The following NCBP2L variants were observed in gnomAD, a reference collection of about 807,000 sequenced individuals.
NCBP2L encodes the protein nuclear cap-binding protein subunit 2-like.
For missense variants in NCBP2L, 95 were observed against 53.1 expected, an observed-to-expected ratio of 1.79 and a Z score of -2.45; for synonymous variants, 39 against 19.2, an observed-to-expected ratio of 2.04 and a Z score of -2.70.
chrX:107,786,114 T>C (rs1930391596), intron 1 of NCBP2L, among the ~76,000 whole-genome samples: 1 of 111,378 alleles, frequency 9.0e-6, no homozygotes, highest in Admixed American at 9.6e-5. Flanking sequence ...TTTCCACTCC[T>C]TGTAGCATTG....
At chrX:107,784,364 G>T (rs1037403879) in intron 1 of NCBP2L, among the ~76,000 whole-genome samples, 7 of 110,754 alleles carry the variant, frequency 6.3e-5, no homozygotes, top group African/African-American at 2.3e-4. Flanking sequence ...TTATTTTTAG[G>T]TTTGGCTGGA....
At chrX:107,778,348 C>T (rs1459025733) in intron 1 of NCBP2L, among the ~76,000 whole-genome samples, 2 of 112,127 alleles carry the variant, frequency 1.8e-5, no homozygotes, top group African/African-American at 3.2e-5. Context: ...ATTCTGTCCC[C>T]TTGACATTTC....
intron 1 of NCBP2L, 74 bp from the exon 2 acceptor site, chrX:107,794,075 T>C (rs1263044017): frequency 2.4e-6 from 1 of 418,748 alleles, no homozygotes; most frequent in Non-Finnish European, 4.2e-6. Flanking sequence ...TGAACACAAA[T>C]ATGTTAAATA....
intron 1 of NCBP2L, among the ~76,000 whole-genome samples, chrX:107,779,910 A>T (rs948101391): frequency 2.8e-5 from 3 of 107,637 alleles, no homozygotes; most frequent in Middle Eastern, 9.7e-3. Flanking sequence ...CGCCCGGCTA[A>T]TTTTTTTGTA....
chrX:107,782,436 C>G (rs1930336789), intron 1 of NCBP2L, among the ~76,000 whole-genome samples: 1 of 84,786 alleles, frequency 1.2e-5, no homozygotes, highest in Non-Finnish European at 2.2e-5. Context: ...ATATCCATCT[C>G]TTCACATAGT....
intron 1 of NCBP2L, among the ~76,000 whole-genome samples, chrX:107,784,708 C>T (rs911820332): frequency 1.9e-5 from 2 of 106,319 alleles, no homozygotes; most frequent in African/African-American, 6.9e-5. Flanking sequence ...CGGTGGCTCA[C>T]GCCTGTAATT....
intron 1 of NCBP2L, among the ~76,000 whole-genome samples, chrX:107,779,869 G>A (rs1274837617): frequency 7.6e-5 from 8 of 104,770 alleles, no homozygotes; most frequent in African/African-American, 2.5e-4. Context: ...TCAGCCTCCC[G>A]AGTAGCTGGG....
chrX:107,780,323 G>A (rs1930249034), intron 1 of NCBP2L, among the ~76,000 whole-genome samples: 1 of 111,444 alleles, frequency 9.0e-6, no homozygotes, highest in African/African-American at 3.3e-5. Context: ...TCCAGCCTGG[G>A]AGAAGAGTTC....
chrX:107,779,673 C>T (rs1428667660), intron 1 of NCBP2L, among the ~76,000 whole-genome samples: 1 of 110,768 alleles, frequency 9.0e-6, no homozygotes, highest in African/African-American at 3.3e-5. Flanking sequence ...GGTGATCCAC[C>T]CGCTTCGGCC....
At chrX:107,794,077 T>C in intron 1 of NCBP2L, 72 bp from the exon 2 acceptor site, 2 of 422,232 alleles carry the variant, frequency 4.7e-6, no homozygotes, top group Non-Finnish European at 8.3e-6. Flanking sequence ...AACACAAATA[T>C]GTTAAATATT....
In NCBP2L at chrX:107,783,358, CTTT is replaced by C. The variant is rs769083822; in HGVS notation, c.-73+5519_-73+5521del. 3.6e-3 allele frequency among the ~76,000 whole-genome samples: 223 copies of C among 61,958 alleles called. 1 individual carries two copies. The highest frequency in any genetic ancestry group is 0.018 in the African/African-American group (213 of 11,924). 53.8% of individuals were successfully genotyped at this position (61,958 alleles called of 115,157 possible). ...ATTAGCCTGGCATGGTGGCACTTGC[CTTT>C]TTTTTTTTTTTTTTTTTTATTTTTT... is the stretch of plus-strand genomic sequence containing the variant. On this transcript the variant is annotated intron_variant, in intron 1 of 1. Transcript: ENST00000509000.
chrX:107,787,425 C>T (rs1214992190), intron 1 of NCBP2L, among the ~76,000 whole-genome samples: 2 of 111,663 alleles, frequency 1.8e-5, no homozygotes, highest in African/African-American at 6.5e-5. Context: ...TTAAGGGGTT[C>T]GAGTGCAGTT....
intron 1 of NCBP2L, among the ~76,000 whole-genome samples, chrX:107,786,499 G>GTA (rs1461585425): frequency 1.8e-5 from 2 of 111,264 alleles, no homozygotes; most frequent in Admixed American, 9.6e-5. Flanking sequence ...ACTGGATGAG[G>GTA]TACACAGGGC....
rs746075993 is a variant in NCBP2L at position 107,794,593 on chromosome X, C to G, written c.373C>G (p.Arg125Gly). Residue 125 changes from arginine to glycine, a missense_variant, in exon 2 of 2, where the codon CGC (arginine) becomes GGC (glycine). By Grantham distance (125) the Arg-to-Gly change is moderately radical. Transcript: ENST00000509000. Reference sequence around the variant, plus strand: ...TTTTAGAGAGGGTCAACAGTATGGTCGCGGTAAATCTGGGGGTCAGGTAAG... The same window carrying G: ...TTTTAGAGAGGGTCAACAGTATGGTGGCGGTAAATCTGGGGGTCAGGTAAG... The part of the protein sequence containing the change: ...VGFREGQQYG[R>G]GKSGGQVRDE... 1 of 569,198 alleles carries G rather than the reference C, an allele frequency of 1.8e-6. No homozygotes were observed. The highest frequency in any genetic ancestry group is 3.2e-6 in the Non-Finnish European group (1 of 309,284). The allele number at this position is 569,198 out of a possible 1,213,427, so 46.9% of individuals were successfully genotyped here. A position where few individuals can be genotyped will look rare whatever the true frequency, so the allele number is the denominator to read the frequency against.
Position 107,785,866 on chromosome X carries a change from G to T in NCBP2L, c.-73+8008G>T, listed in dbSNP as rs763635050. 3.6e-5 allele frequency among the ~76,000 whole-genome samples: 4 copies of T among 110,969 alleles called. No individual in the cohort carries two copies. The South Asian group carries it at 1.5e-3, about 43-fold the overall frequency. On this transcript the variant is annotated intron_variant, in intron 1 of 1. Coordinates refer to ENST00000509000, the MANE Select transcript of NCBP2L (RefSeq NM_001348372.2). ...TCTGAGCTGAGAATCCAGGTAAACT[G>T]CAGAGAGCAGGGCAGGAGAAGGGCG...
chrX:107,781,772 A>ATTTG (rs1353116113), intron 1 of NCBP2L, among the ~76,000 whole-genome samples: 1 of 99,184 alleles, frequency 1.0e-5, no homozygotes, highest in Non-Finnish European at 2.0e-5. Context: ...AGATATCTAT[A>ATTTG]TATATAGATC....
rs149411969 is a variant in NCBP2L at position 107,795,518 on chromosome X, G to A, written c.*836G>A. 1.8e-5 allele frequency: 2 copies of A among 111,997 alleles called. No homozygotes were observed. Among genetic ancestry groups the A allele is most frequent in the African/African-American group, 6.5e-5 (2 of 30,849 alleles). The allele number at this position is 111,997 out of a possible 1,213,427, so 9.2% of individuals were successfully genotyped here. ...CTTCAGGTACCCATACAACTATTTC[G>A]TTTTTGACTTTCAGTATAGTATTCA... On this transcript the variant is annotated 3_prime_UTR_variant, in exon 2 of 2. Transcript: ENST00000509000.
chrX:107,782,182 A>AATAT (rs1198973774), intron 1 of NCBP2L, among the ~76,000 whole-genome samples: 1 of 24,819 alleles, frequency 4.0e-5, no homozygotes, highest in African/African-American at 2.6e-4. Context: ...TATATATATA[A>AATAT]ATATATATAT....
intron 1 of NCBP2L, among the ~76,000 whole-genome samples, chrX:107,781,672 A>ATCTCTCTCTCTCTCTCTC (rs1203106428): frequency 3.2e-5 from 2 of 62,649 alleles, no homozygotes; most frequent in African/African-American, 2.5e-4. Flanking sequence ...CTATCTATCT[A>ATCTCTCTCTCTCTCTCTC]TCTATCTCTC....
Sources: allele counts gnomAD v4.1 joint callset (sites outside exome capture counted in the v4.1 genomes callset), GRCh38; gene constraint gnomAD v4.1.1; transcripts MANE v1.5; gene names NCBI Gene and HGNC (gene_info 2026-07-23, HGNC 2026-07-21).